PF4: variants seen among roughly 807,000 people sequenced by gnomAD.
PF4 encodes platelet factor 4.
In PF4, 8 loss-of-function variants were observed where a neutral mutation model predicts 6.9. The observed-to-expected ratio is 1.16, with a 90% confidence interval of 0.68 to 2.09. The LOEUF is 2.09. PF4 is among the 30% of genes most tolerant of loss of function. The pLI is 0.00. For synonymous variants in PF4, 55 were observed against 56.5 expected, an observed-to-expected ratio of 0.97 and a Z score of 0.12; for missense variants, 111 against 122.9, an observed-to-expected ratio of 0.90 and a Z score of 0.46.
In PF4 at chr4:73,982,000, A is replaced by C; in HGVS notation, c.-47T>G. On this transcript the variant is annotated 5_prime_UTR_variant, in exon 1 of 3. Coordinates refer to ENST00000296029, the MANE Select transcript of PF4 (RefSeq NM_002619.4). ...GGATCTCAGTGCTCAGTGCGATGGG[A>C]AACTCGGGCTGGGTCTCTGTGGCCA... 1 of 1,478,566 alleles carries C rather than the reference A, an allele frequency of 6.8e-7. No individual in the cohort carries two copies. The highest frequency in any genetic ancestry group is 9.2e-7 in the Non-Finnish European group (1 of 1,082,814). The allele number at this position is 1,478,566 out of a possible 1,614,324, so 91.6% of individuals were successfully genotyped here. A position where few individuals can be genotyped will look rare whatever the true frequency, so the allele number is the denominator to read the frequency against.
In PF4 at chr4:73,981,144, T is replaced by C. The variant is rs1345250891; in HGVS notation, c.*60A>G. 2.6e-6 allele frequency: 3 copies of C among 1,159,186 alleles called. No homozygotes were observed. The highest frequency in any genetic ancestry group is 3.0e-5 in the African/African-American group (2 of 65,682). 71.8% of individuals were successfully genotyped at this position (1,159,186 alleles called of 1,614,324 possible). A position where few individuals can be genotyped will look rare whatever the true frequency, so the allele number is the denominator to read the frequency against. On this transcript the variant is annotated 3_prime_UTR_variant, in exon 3 of 3. Coordinates refer to ENST00000296029, the MANE Select transcript of PF4 (RefSeq NM_002619.4). ...TATCAGAAGTTCTTTCACAGTTAGATTGAAACTGGAAAAAAGAAGTATGCT... is the reference window on the plus strand; with the variant it reads ...TATCAGAAGTTCTTTCACAGTTAGACTGAAACTGGAAAAAAGAAGTATGCT...
In PF4 at chr4:73,980,999, T is replaced by C. The variant is rs1477227672; in HGVS notation, c.*205A>G. ...TACTTTTTGCTTAAAATACCGGAAT[T>C]TTTTTCTTCCATGAAATTGTTATGT... On this transcript the variant is annotated 3_prime_UTR_variant, in exon 3 of 3. Coordinates refer to ENST00000296029, the MANE Select transcript of PF4 (RefSeq NM_002619.4). 3.6e-6 allele frequency: 2 copies of C among 556,030 alleles called. No individual in the cohort carries two copies. Among genetic ancestry groups the C allele is most frequent in the Admixed American group, 3.2e-5 (1 of 31,302 alleles). The allele number at this position is 556,030 out of a possible 1,614,324, so 34.4% of individuals were successfully genotyped here. A position where few individuals can be genotyped will look rare whatever the true frequency, so the allele number is the denominator to read the frequency against.
intron 1 of PF4, 80 bp from the exon 2 acceptor site, chr4:73,981,623 A>G: frequency 6.6e-7 from 1 of 1,524,932 alleles, no homozygotes; most frequent in East Asian, 2.4e-5. Context: ...TACTTTAGGG[A>G]CTTTTTCCAC....
chr4:73,981,748 G>A lies in PF4; in HGVS notation c.91+115C>T, dbSNP rs1229184266. 3.4e-6 allele frequency: 5 copies of A among 1,479,110 alleles called. No homozygotes were observed. The Admixed American group carries it at 1.2e-4, about 35-fold the overall frequency. The allele number at this position is 1,479,110 out of a possible 1,614,324, so 91.6% of individuals were successfully genotyped here. On this transcript the variant is annotated intron_variant, in intron 1 of 2. Coordinates refer to ENST00000296029, the MANE Select transcript of PF4 (RefSeq NM_002619.4). ...GGCACTGTGGCCAGACACTCAGCAG[G>A]CTCTCCGTTAAGTGTGGCTGTGATC...
rs1465271325 is a variant in PF4 at position 73,982,021 on chromosome 4, G to A, written c.-68C>T. The A allele has an allele frequency of 1.3e-5, 17 of 1,314,124 alleles. No homozygotes were observed. The highest frequency in any genetic ancestry group is 1.7e-5 in the Non-Finnish European group (16 of 935,158). 81.4% of individuals were successfully genotyped at this position (1,314,124 alleles called of 1,614,324 possible). On this transcript the variant is annotated 5_prime_UTR_variant, in exon 1 of 3. Coordinates refer to ENST00000296029, the MANE Select transcript of PF4 (RefSeq NM_002619.4). ...TGGGAAACTCGGGCTGGGTCTCTGT[G>A]GCCAATGACTCCTGAGCCTCGCCGG...
At position 73,982,020 on chromosome 4, in the gene PF4, T is replaced by C; in HGVS notation, c.-67A>G. ...ATGGGAAACTCGGGCTGGGTCTCTG[T>C]GGCCAATGACTCCTGAGCCTCGCCG... is the stretch of plus-strand genomic sequence containing the variant. On this transcript the variant is annotated 5_prime_UTR_variant, in exon 1 of 3. Coordinates refer to ENST00000296029, the MANE Select transcript of PF4 (RefSeq NM_002619.4). The C allele has an allele frequency of 3.0e-6, 4 of 1,349,516 alleles. No individual in the cohort carries two copies. The highest frequency in any genetic ancestry group is 1.8e-4 in the Middle Eastern group (1 of 5,592). The allele number at this position is 1,349,516 out of a possible 1,614,324, so 83.6% of individuals were successfully genotyped here.
rs352006 is a variant in PF4, at chr4:73,981,160, G to A, written c.*44C>T. ...ACAGTTAGATTGAAACTGGAAAAAA[G>A]AAGTATGCTATATAGCAAATGCACA... On this transcript the variant is annotated 3_prime_UTR_variant, in exon 3 of 3. Coordinates refer to ENST00000296029, the MANE Select transcript of PF4 (RefSeq NM_002619.4). 24,497 of 1,306,236 alleles carry A rather than the reference G, an allele frequency of 0.019. 2,459 individuals are homozygous for A. In the African/African-American group the frequency reaches 0.25, roughly 13 times the overall value. 80.9% of individuals were successfully genotyped at this position (1,306,236 alleles called of 1,614,324 possible).
At chr4:73,981,331 G>A (rs781059618) in intron 2 of PF4, 40 bp from the exon 3 acceptor site, 12 of 1,613,844 alleles carry the variant, frequency 7.4e-6, no homozygotes, top group Non-Finnish European at 2.5e-6. Context: ...TTCAGTCCTT[G>A]GGTTTGCAAA....
At chr4:73,981,709 C>G in intron 1 of PF4, 154 bp downstream of exon 1, 1 of 985,394 alleles carries the variant, frequency 1.0e-6, no homozygotes, top group Non-Finnish European at 1.2e-6. Flanking sequence ...GTGGGAGGTG[C>G]AGGTGCAGCG....
At chr4:73,981,645 T>G in intron 1 of PF4, 102 bp from the exon 2 acceptor site, 1 of 1,497,040 alleles carries the variant, frequency 6.7e-7, no homozygotes. Context: ...ACCTTCAGCC[T>G]TCTTTTCCTT....
chr4:73,981,292 C>T lies in PF4; in HGVS notation c.219-1G>A. The T allele has an allele frequency of 6.2e-7, 1 of 1,614,174 alleles. No homozygotes were observed. The highest frequency in any genetic ancestry group is 8.5e-7 in the Non-Finnish European group (1 of 1,180,012). ...TTTCCTTCCATTCTTCAGCGTGGCTCTGGCAGGGAAAAGAGAAGAGATGTG... is the reference window on the plus strand; with the variant it reads ...TTTCCTTCCATTCTTCAGCGTGGCTTTGGCAGGGAAAAGAGAAGAGATGTG... On this transcript the variant is annotated splice_acceptor_variant, in intron 2 of 2. Transcript: ENST00000296029. LOFTEE classifies it high-confidence loss of function.
Position 73,982,013 on chromosome 4 carries a change from GTC to G in PF4, c.-62_-61del. 7.1e-7 allele frequency: 1 copy of G among 1,406,982 alleles called. No homozygotes were observed. The highest frequency in any genetic ancestry group is 1.4e-5 in the African/African-American group (1 of 70,040). 87.2% of individuals were successfully genotyped at this position (1,406,982 alleles called of 1,614,324 possible). ...CAGTGCGATGGGAAACTCGGGCTGG[GTC>G]TCTGTGGCCAATGACTCCTGAGCCT... On this transcript the variant is annotated 5_prime_UTR_variant, in exon 1 of 3. Coordinates refer to ENST00000296029, the MANE Select transcript of PF4 (RefSeq NM_002619.4).
In PF4 at chr4:73,981,213, C is replaced by T. The variant is rs771544036; in HGVS notation, c.297G>A (p.Leu99=). ...CGTAGGCAGCTAGTAGCTAACTCTC[C>T]AAAAGTTTCTTAATTATTTTCTTGT... The part of the protein sequence containing the change: ...PLYKKIIKKL[L]ES Residue 99 remains leucine, a synonymous_variant, in exon 3 of 3, where the codon TTG becomes TTA. Transcript: ENST00000296029. 2.0e-5 allele frequency: 33 copies of T among 1,613,520 alleles called. No individual in the cohort carries two copies. In the South Asian group the frequency reaches 3.5e-4, roughly 17 times the overall value.
Position 73,981,138 on chromosome 4 carries a change from G to T in PF4, c.*66C>A. On this transcript the variant is annotated 3_prime_UTR_variant, in exon 3 of 3. Coordinates refer to ENST00000296029, the MANE Select transcript of PF4 (RefSeq NM_002619.4). Reference sequence around the variant, plus strand: ...CACAAATATCAGAAGTTCTTTCACAGTTAGATTGAAACTGGAAAAAAGAAG... The same window carrying T: ...CACAAATATCAGAAGTTCTTTCACATTTAGATTGAAACTGGAAAAAAGAAG... 9.3e-7 allele frequency: 1 copy of T among 1,080,338 alleles called. No homozygotes were observed. The highest frequency in any genetic ancestry group is 1.4e-6 in the Non-Finnish European group (1 of 704,206). 66.9% of individuals were successfully genotyped at this position (1,080,338 alleles called of 1,614,324 possible). A position where few individuals can be genotyped will look rare whatever the true frequency, so the allele number is the denominator to read the frequency against.
chr4:73,981,567 A>C (rs1338357906), intron 1 of PF4, 24 bp from the exon 2 acceptor site: 1 of 1,603,146 alleles, frequency 6.2e-7, no homozygotes, highest in South Asian at 1.1e-5. Context: ...GGAGAGGGTA[A>C]GAGAGGAGGA....
chr4:73,981,958 C>A lies in PF4; in HGVS notation c.-5G>T. The A allele has an allele frequency of 6.5e-7, 1 of 1,549,858 alleles. No individual in the cohort carries two copies. The highest frequency in any genetic ancestry group is 1.2e-5 in the South Asian group (1 of 83,960). On this transcript the variant is annotated 5_prime_UTR_variant, in exon 1 of 3. Coordinates refer to ENST00000296029, the MANE Select transcript of PF4 (RefSeq NM_002619.4). ...GAACCCGGCTGCGGAGCTCATGCTGCGGCAGAGCTTCCAGCAGGATCTCAG... is the reference window on the plus strand; with the variant it reads ...GAACCCGGCTGCGGAGCTCATGCTGAGGCAGAGCTTCCAGCAGGATCTCAG...
rs1194234970 is a variant in PF4, at chr4:73,981,019, TTA to T, written c.*183_*184del. 1.7e-6 allele frequency: 1 copy of T among 578,720 alleles called. No individual in the cohort carries two copies. Among genetic ancestry groups the T allele is most frequent in the East Asian group, 2.9e-5 (1 of 35,004 alleles). 35.8% of individuals were successfully genotyped at this position (578,720 alleles called of 1,614,324 possible). On this transcript the variant is annotated 3_prime_UTR_variant, in exon 3 of 3. Transcript: ENST00000296029. ...GGAATTTTTTTCTTCCATGAAATTG[TTA>T]TGTGTCAACACAATTTTTGCACTAT...
Position 73,981,213 on chromosome 4 carries a change from C to G in PF4, c.297G>C (p.Leu99Phe). Residue 99 changes from leucine (L) to phenylalanine (F), a missense_variant, in exon 3 of 3, where the codon TTG becomes TTC. Coordinates refer to ENST00000296029, the MANE Select transcript of PF4 (RefSeq NM_002619.4). ...PLYKKIIKKL[L>F]ES ...CGTAGGCAGCTAGTAGCTAACTCTC[C>G]AAAAGTTTCTTAATTATTTTCTTGT... is the stretch of plus-strand genomic sequence containing the variant. The G allele has an allele frequency of 6.2e-7, 1 of 1,613,638 alleles. No homozygotes were observed.
intron 1 of PF4, 77 bp from the exon 2 acceptor site, chr4:73,981,620 G>T: frequency 6.5e-7 from 1 of 1,532,478 alleles, no homozygotes. Context: ...AGGTACTTTA[G>T]GGACTTTTTC....
Sources: allele counts gnomAD v4.1 joint callset, GRCh38; gene constraint gnomAD v4.1.1; transcripts MANE v1.5; gene names NCBI Gene and HGNC (gene_info 2026-07-23, HGNC 2026-07-21).